The following MID2 variants were observed in gnomAD, a reference collection of about 807,000 sequenced individuals.
MID2 encodes the protein midline 2, also known as probable E3 ubiquitin-protein ligase MID2.
A neutral mutation model predicts 46.1 loss-of-function variants in MID2; 13 were observed. That is an observed-to-expected ratio of 0.28 (90% CI 0.18 to 0.45). The LOEUF (loss-of-function observed/expected upper bound fraction) is 0.45. Among genes scored for constraint, MID2 ranks in the 20% least tolerant of loss-of-function variants. MID2 has a pLI of 1.00. For synonymous variants in MID2, 199 were observed against 212.3 expected (o/e 0.94, Z 0.55); for missense variants, 431 against 575.4 (o/e 0.75, Z 2.57).
intron 2 of MID2, among the ~76,000 whole-genome samples, chrX:107,851,979 G>A (rs773853476): frequency 9.1e-6 from 1 of 110,464 alleles, no homozygotes; most frequent in Non-Finnish European, 1.9e-5. Flanking sequence ...TGCAACCTCC[G>A]CCTCTGCGGT....
rs1334015297 is a variant in MID2 at position 107,841,097 on chromosome X, G to T, written c.432G>T (p.Gln144His). Residue 144 changes from glutamine to histidine, a missense_variant, in exon 2 of 10, where the codon CAG (glutamine) becomes CAT (histidine). Coordinates refer to ENST00000262843, the MANE Select transcript of MID2 (RefSeq NM_012216.4). Reference protein sequence around the residue: ...SERIACQFCEQDPPRDAVKTC... With the variant: ...SERIACQFCEHDPPRDAVKTC... ...GAATTGCTTGCCAATTCTGTGAGCA[G>T]GACCCGCCAAGGGATGCAGTAAAAA... 1 of 1,211,448 alleles carries T rather than the reference G, an allele frequency of 8.3e-7. No homozygotes were observed. Among genetic ancestry groups the T allele is most frequent in the Non-Finnish European group, 1.1e-6 (1 of 895,460 alleles).
intron 2 of MID2, among the ~76,000 whole-genome samples, chrX:107,845,464 T>C (rs933315307): frequency 3.7e-5 from 4 of 106,768 alleles, no homozygotes; most frequent in Admixed American, 3.1e-4. Context: ...TACCCAGCAC[T>C]GGAGTAAGCC....
chrX:107,842,834 G>T (rs930847537), intron 2 of MID2, among the ~76,000 whole-genome samples: 1 of 111,737 alleles, frequency 8.9e-6, no homozygotes. Context: ...TAGTCGAAGC[G>T]CTCTACTTTA....
chrX:107,916,660 CACAA>C (rs1220602183), intron 6 of MID2, among the ~76,000 whole-genome samples: 2 of 112,521 alleles, frequency 1.8e-5, no homozygotes, highest in South Asian at 3.7e-4. Flanking sequence ...AAAAAATATA[CACAA>C]ACAATTTTTG....
chrX:107,917,863 C>A, intron 7 of MID2, 124 bp downstream of exon 7: 1 of 575,206 alleles, frequency 1.7e-6, no homozygotes, highest in South Asian at 3.0e-5. Flanking sequence ...CCTTGCTGGG[C>A]AGTTGCTGGG....
intron 2 of MID2, among the ~76,000 whole-genome samples, chrX:107,847,116 A>G (rs1441277300): frequency 8.9e-6 from 1 of 112,440 alleles, no homozygotes; most frequent in African/African-American, 3.2e-5. Flanking sequence ...TAGAACTGAC[A>G]ATAACTTAAA....
At position 107,927,154 on chromosome X, in the gene MID2, C is replaced by T. The variant is rs763609485; in HGVS notation, c.*81C>T. Reference sequence around the variant, plus strand: ...TACACCTAAGTTAGCGTTCAATATACGAGACACAAAATAAAGTTTGTTTGA... The same window carrying T: ...TACACCTAAGTTAGCGTTCAATATATGAGACACAAAATAAAGTTTGTTTGA... On this transcript the variant is annotated 3_prime_UTR_variant, in exon 10 of 10. Coordinates refer to ENST00000262843, the MANE Select transcript of MID2 (RefSeq NM_012216.4). 1.3e-4 allele frequency: 111 copies of T among 884,614 alleles called. 1 individual carries two copies. The South Asian group carries it at 1.3e-3, about 10-fold the overall frequency. The allele number at this position is 884,614 out of a possible 1,213,427, so 72.9% of individuals were successfully genotyped here.
chrX:107,865,450 G>A (rs772381078), intron 3 of MID2, among the ~76,000 whole-genome samples: 1 of 112,258 alleles, frequency 8.9e-6, no homozygotes, highest in African/African-American at 3.2e-5. Flanking sequence ...TGTCTGGGGA[G>A]GGGGTTGTAT....
intron 3 of MID2, among the ~76,000 whole-genome samples, chrX:107,866,156 G>A (rs777348316): frequency 1.1e-4 from 12 of 111,623 alleles, no homozygotes; most frequent in Non-Finnish European, 2.3e-4. Flanking sequence ...AGCACCCTGG[G>A]GATATTCTGG....
In MID2 at chrX:107,883,152, G is replaced by A. The variant is rs1270887635; in HGVS notation, c.817-20806G>A. Among the ~76,000 whole-genome samples, 3 of 111,343 alleles carry A rather than the reference G, an allele frequency of 2.7e-5. No homozygotes were observed. In the East Asian group the frequency reaches 8.4e-4, roughly 31 times the overall value. On this transcript the variant is annotated intron_variant, in intron 3 of 9. Transcript: ENST00000262843. ...CACTCATAAGTGGGAATTGAACAAT[G>A]AGAACACATGGAAACAGGGAGGGGA...
intron 1 of MID2, among the ~76,000 whole-genome samples, chrX:107,830,301 C>T (rs1413951273): frequency 8.9e-6 from 1 of 112,062 alleles, no homozygotes; most frequent in East Asian, 2.8e-4. Context: ...CCTGCTTGGT[C>T]TTGTGTGTGT....
In MID2 at chrX:107,841,021, A is replaced by T; in HGVS notation, c.356A>T (p.Glu119Val). Residue 119 changes from glutamate (E) to valine (V), a missense_variant, in exon 2 of 10, where the codon GAG (glutamate) becomes GTG (valine). Coordinates refer to ENST00000262843, the MANE Select transcript of MID2 (RefSeq NM_012216.4). Reference protein sequence around the residue: ...ASVSGPNSPSESRRERTYRPT... With the variant: ...ASVSGPNSPSVSRRERTYRPT... ...GTCAGTGGGCCCAATTCCCCTAGTG[A>T]GAGCCGCCGGGAAAGGACTTACAGG... The T allele has an allele frequency of 8.3e-7, 1 of 1,211,402 alleles. No individual in the cohort carries two copies.
In MID2 at chrX:107,906,911, G is replaced by A. The variant is rs890163308; in HGVS notation, c.1073+1285G>A. Among the ~76,000 whole-genome samples the A allele has an allele frequency of 2.7e-5, 3 of 112,345 alleles. No individual in the cohort carries two copies. In the South Asian group the frequency reaches 1.1e-3, roughly 41 times the overall value. ...AACAATTCTTTTTTTCTTCAAATAC[G>A]TGTATACTTCAACTTTGTTGAGACT... is the stretch of plus-strand genomic sequence containing the variant. On this transcript the variant is annotated intron_variant, in intron 5 of 9. Transcript: ENST00000262843.
At chrX:107,862,197 G>A (rs1030538756) in intron 3 of MID2, among the ~76,000 whole-genome samples, 2 of 111,428 alleles carry the variant, frequency 1.8e-5, no homozygotes, top group Non-Finnish European at 3.8e-5. Context: ...GGAAGAGGAG[G>A]TGTAATAGCA....
rs993728942 is a variant in MID2, at chrX:107,928,425, C to T, written c.*1352C>T. On this transcript the variant is annotated 3_prime_UTR_variant, in exon 10 of 10. Transcript: ENST00000262843. ...ATGATTTTTTTTTTTAAATTTCCAT[C>T]GAAGGGATTGGGGATGTCAGAGAGC... is the stretch of plus-strand genomic sequence containing the variant. 1.8e-5 allele frequency among the ~76,000 whole-genome samples: 2 copies of T among 110,253 alleles called. No homozygotes were observed. The highest frequency in any genetic ancestry group is 1.9e-5 in the Non-Finnish European group (1 of 52,697).
At chrX:107,918,273 CAG>C (rs771016047) in intron 7 of MID2, among the ~76,000 whole-genome samples, 15 of 111,109 alleles carry the variant, frequency 1.4e-4, no homozygotes, top group Non-Finnish European at 2.6e-4. Context: ...CAAGACAAAA[CAG>C]AGTAGGAACT....
chrX:107,898,647 G>A (rs190508006), intron 3 of MID2, among the ~76,000 whole-genome samples: 11 of 111,985 alleles, frequency 9.8e-5, no homozygotes, highest in African/African-American at 1.9e-4. Flanking sequence ...CATTTTCATC[G>A]TTATATCCCA....
chrX:107,851,087 A>T, intron 2 of MID2, among the ~76,000 whole-genome samples: 1 of 112,150 alleles, frequency 8.9e-6, no homozygotes, highest in Non-Finnish European at 1.9e-5. Context: ...TTTGTGATAC[A>T]TGGAATTTCC....
chrX:107,827,362 C>T (rs1251534812), intron 1 of MID2, among the ~76,000 whole-genome samples: 5 of 111,000 alleles, frequency 4.5e-5, no homozygotes, highest in African/African-American at 3.3e-5. Flanking sequence ...CCCTTGGACC[C>T]CAGCCTTTCC....
Sources: gnomAD v4.1 joint callset for allele counts (sites outside exome capture counted in the v4.1 genomes callset) on GRCh38, gnomAD v4.1.1 for gene constraint, MANE v1.5 for transcripts, NCBI Gene and HGNC (gene_info 2026-07-23, HGNC 2026-07-21) for gene names.